GFRA1: variants seen among roughly 807,000 people sequenced by gnomAD.
GFRA1 encodes GDNF family receptor alpha 1.
A neutral mutation model predicts 51.6 loss-of-function variants in GFRA1; 16 were observed. The ratio of observed to expected loss-of-function variants is 0.31; its 90% CI spans 0.21 to 0.47. The LOEUF (loss-of-function observed/expected upper bound fraction) is 0.47. Ranked by LOEUF, GFRA1 falls within the 20% of genes least tolerant of loss-of-function variation. The pLI is 1.00. For missense variants in GFRA1, 530 were observed against 594.3 expected (o/e 0.89, Z 1.13); for synonymous variants, 270 against 241.3 (o/e 1.12, Z -1.10).
intron 5 of GFRA1, among the ~76,000 whole-genome samples, chr10:116,154,320 T>C (rs1464509188): frequency 1.3e-5 from 2 of 152,320 alleles, no homozygotes; most frequent in Middle Eastern, 3.4e-3. Flanking sequence ...TACGACCAAA[T>C]ATCCAACTGT....
intron 6 of GFRA1, among the ~76,000 whole-genome samples, chr10:116,106,728 T>G (rs1037472106): frequency 1.3e-5 from 2 of 149,318 alleles, no homozygotes; most frequent in Non-Finnish European, 3.0e-5. Flanking sequence ...TCTTCCATCT[T>G]TCACCACTTG....
intron 5 of GFRA1, among the ~76,000 whole-genome samples, chr10:116,130,841 A>G (rs889671254): frequency 6.6e-6 from 1 of 152,182 alleles, no homozygotes; most frequent in Non-Finnish European, 1.5e-5. Context: ...GAAGAAACAT[A>G]AGATAATCTT....
chr10:116,270,418 C>A (rs1321749811), intron 3 of GFRA1, among the ~76,000 whole-genome samples: 1 of 152,210 alleles, frequency 6.6e-6, no homozygotes, highest in Non-Finnish European at 1.5e-5. Flanking sequence ...GGGAACAAGA[C>A]AGGGGGAGTC....
At chr10:116,094,430 A>G (rs1250480458) in intron 7 of GFRA1, among the ~76,000 whole-genome samples, 2 of 152,184 alleles carry the variant, frequency 1.3e-5, no homozygotes, top group African/African-American at 2.4e-5. Context: ...AACGGCTCCT[A>G]GAGTATTGCC....
intron 9 of GFRA1, among the ~76,000 whole-genome samples, chr10:116,087,429 T>A (rs755349175): frequency 6.6e-6 from 1 of 152,236 alleles, no homozygotes; most frequent in Non-Finnish European, 1.5e-5. Context: ...AAGTTGCATC[T>A]TGCCCAGTAT....
At chr10:116,106,330 G>A (rs1006093071) in intron 6 of GFRA1, among the ~76,000 whole-genome samples, 17 of 152,254 alleles carry the variant, frequency 1.1e-4, no homozygotes, top group Non-Finnish European at 2.9e-5. Flanking sequence ...GCAGTAAACA[G>A]TAGGGGGTTT....
At chr10:116,232,295 T>C (rs1399837251) in intron 4 of GFRA1, among the ~76,000 whole-genome samples, 1 of 152,228 alleles carries the variant, frequency 6.6e-6, no homozygotes, top group African/African-American at 2.4e-5. Context: ...TAATCTGGCA[T>C]CCCTCCAGAA....
Position 116,096,781 on chromosome 10 carries a change from GGGGTGGGGGGTGGAAATGTGCTTT to G in GFRA1, c.771-41_771-18del. On this transcript the variant is annotated intron_variant, in intron 6 of 10. Coordinates refer to ENST00000355422, the MANE Select transcript of GFRA1 (RefSeq NM_005264.8). ...AGGCGAGATCTACAATAGGAAAAAA[GGGGTGGGGGGTGGAAATGTGCTTT>G]AAAACATCCTAAGCCTCCGGACAGA... 7.4e-7 allele frequency: 1 copy of G among 1,344,112 alleles called. No homozygotes were observed. Among genetic ancestry groups the G allele is most frequent in the Non-Finnish European group, 1.1e-6 (1 of 938,228 alleles). 83.3% of individuals were successfully genotyped at this position (1,344,112 alleles called of 1,614,324 possible). A position where few individuals can be genotyped will look rare whatever the true frequency, so the allele number is the denominator to read the frequency against.
At chr10:116,089,070 G>A (rs902831398) in intron 9 of GFRA1, among the ~76,000 whole-genome samples, 3 of 151,936 alleles carry the variant, frequency 2.0e-5, no homozygotes, top group Non-Finnish European at 4.4e-5. Flanking sequence ...ACTGAAGACA[G>A]GAAATCACCA....
Position 116,270,908 on chromosome 10 carries a change from G to A in GFRA1, c.248C>T (p.Ser83Leu). Residue 83 changes from serine (S) to leucine (L), a missense_variant, in exon 3 of 11, where the codon TCG becomes TTG. Transcript: ENST00000355422. ...CCGCTTGCAGCGGCAGTTGTAGAGC[G>A]ACTTCTGCTTCAGGGCCTCCATGGC... ...RSAMEALKQK[S>L]LYNCRCKRGM... 1.2e-6 allele frequency: 2 copies of A among 1,614,072 alleles called. No homozygotes were observed. Among genetic ancestry groups the A allele is most frequent in the African/African-American group, 1.3e-5 (1 of 75,076 alleles).
rs545913548 is a variant in GFRA1 at position 116,255,620 on chromosome 10, ATG to A, written c.418+13881_418+13882del. 4,167 of 1,288,732 alleles carry A rather than the reference ATG, an allele frequency of 3.2e-3. 4 individuals carry two copies. Among genetic ancestry groups the A allele is most frequent in the Admixed American group, 4.1e-3 (179 of 43,508 alleles). The allele number at this position is 1,288,732 out of a possible 1,614,324, so 79.8% of individuals were successfully genotyped here. ...GTACACGCCCTTTCCTTTTCCACTG[ATG>A]TGTTAGCTCACCTGGAATCCACTCC... On this transcript the variant is annotated intron_variant, in intron 4 of 10. Transcript: ENST00000355422.
At chr10:116,133,537 T>G (rs1258777815) in intron 5 of GFRA1, among the ~76,000 whole-genome samples, 3 of 152,208 alleles carry the variant, frequency 2.0e-5, no homozygotes, top group Admixed American at 6.5e-5. Context: ...TTTCCCCCCA[T>G]GGGCATCAGT....
chr10:116,164,279 C>T (rs1254284894), intron 5 of GFRA1, among the ~76,000 whole-genome samples: 2 of 151,464 alleles, frequency 1.3e-5, no homozygotes, highest in African/African-American at 4.9e-5. Flanking sequence ...TACCATTCAC[C>T]GGGCTTAAAA....
chr10:116,061,968 A>AT lies in GFRA1; in HGVS notation c.*2429dup. On this transcript the variant is annotated 3_prime_UTR_variant, in exon 11 of 11. Transcript: ENST00000355422. ...CCCCTATTTATTTAATCAGCAACTG[A>AT]TTTTCAAATTGAGGAGCTGGTAACT... 1 of 398,580 alleles carries AT rather than the reference A, an allele frequency of 2.5e-6. No individual in the cohort carries two copies. Among genetic ancestry groups the AT allele is most frequent in the Middle Eastern group, 6.3e-4 (1 of 1,588 alleles). The allele number at this position is 398,580 out of a possible 1,614,324, so 24.7% of individuals were successfully genotyped here. A position where few individuals can be genotyped will look rare whatever the true frequency, so the allele number is the denominator to read the frequency against.
intron 5 of GFRA1, among the ~76,000 whole-genome samples, chr10:116,164,824 C>T (rs761568710): frequency 6.6e-6 from 1 of 152,146 alleles, no homozygotes; most frequent in Non-Finnish European, 1.5e-5. Context: ...CCCCTGAAGC[C>T]GGCCCTCGTT....
chr10:116,112,530 C>A (rs1957253881), intron 6 of GFRA1, among the ~76,000 whole-genome samples: 1 of 152,210 alleles, frequency 6.6e-6, no homozygotes, highest in Non-Finnish European at 1.5e-5. Context: ...CTCCCCAAGC[C>A]CCTACTTGGT....
chr10:116,250,520 C>T (rs1381121868), intron 4 of GFRA1, among the ~76,000 whole-genome samples: 1 of 152,184 alleles, frequency 6.6e-6, no homozygotes, highest in Non-Finnish European at 1.5e-5. Context: ...AAACATGAGC[C>T]TAGCACTAGA....
chr10:116,210,346 G>C (rs1047268117), intron 5 of GFRA1, among the ~76,000 whole-genome samples: 1 of 152,056 alleles, frequency 6.6e-6, no homozygotes, highest in Non-Finnish European at 1.5e-5. Context: ...TCAGTGTGGG[G>C]TTGCTTACAT....
chr10:116,225,723 G>A (rs1218284687), intron 4 of GFRA1, among the ~76,000 whole-genome samples: 1 of 151,372 alleles, frequency 6.6e-6, no homozygotes, highest in East Asian at 2.0e-4. Flanking sequence ...CCAAGGAGCT[G>A]GGATTACAGG....
Sources: gnomAD v4.1 joint callset for allele counts (sites outside exome capture counted in the v4.1 genomes callset) on GRCh38, gnomAD v4.1.1 for gene constraint, MANE v1.5 for transcripts, NCBI Gene and HGNC (gene_info 2026-07-23, HGNC 2026-07-21) for gene names.